AFF2: variants seen among roughly 807,000 people sequenced by gnomAD.
AFF2 encodes the protein ALF transcription elongation factor 2, also known as AF4/FMR2 family member 2.
In AFF2, 14 loss-of-function variants were observed where a neutral mutation model predicts 76.9. The ratio of observed to expected loss-of-function variants is 0.18; its 90% confidence interval spans 0.12 to 0.28. The LOEUF (loss-of-function observed/expected upper bound fraction) is 0.28, where lower values mean the gene tolerates loss of function less well. Ranked by LOEUF, AFF2 falls within the 10% of genes least tolerant of loss-of-function variation. The probability of loss-of-function intolerance (pLI) is 1.00; values close to 1 mark genes in which losing one functional copy is unlikely to be tolerated. For missense variants in AFF2, 868 were observed against 1,001.1 expected, an observed-to-expected ratio of 0.87 and a Z score of 1.79; for synonymous variants, 398 against 366.7, an observed-to-expected ratio of 1.09 and a Z score of -0.98.
chrX:148,991,677 G>C lies in AFF2; in HGVS notation c.*345G>C, dbSNP rs1343051609. ...TGGGAAGCACTTGTGATAAAGACAG[G>C]CTCCTGAGAAATGCAACAAGTGGTC... On this transcript the variant is annotated 3_prime_UTR_variant, in exon 21 of 21. Coordinates refer to ENST00000370460, the MANE Select transcript of AFF2 (RefSeq NM_002025.4). 1.6e-5 allele frequency: 2 copies of C among 128,005 alleles called. No homozygotes were observed. The highest frequency in any genetic ancestry group is 6.4e-5 in the African/African-American group (2 of 31,404). The allele number at this position is 128,005 out of a possible 1,213,427, so 10.5% of individuals were successfully genotyped here.
chrX:148,758,394 G>A (rs2069400698), intron 3 of AFF2, among the ~76,000 whole-genome samples: 1 of 112,581 alleles, frequency 8.9e-6, no homozygotes, highest in Non-Finnish European at 1.9e-5. Context: ...GACATTTCCT[G>A]TAACTTTTTT....
intron 3 of AFF2, among the ~76,000 whole-genome samples, chrX:148,683,136 G>A (rs191665747): frequency 5.4e-5 from 6 of 111,737 alleles, no homozygotes; most frequent in African/African-American, 6.5e-5. Context: ...AGCAGGTTGC[G>A]TCTACCCTCT....
chrX:148,909,666 T>A lies in AFF2; in HGVS notation c.1397+5408T>A, dbSNP rs151288593. 8.0e-3 allele frequency among the ~76,000 whole-genome samples: 895 copies of A among 112,078 alleles called. 3 individuals carry two copies. The highest frequency in any genetic ancestry group is 0.037 in the Middle Eastern group (8 of 216). On this transcript the variant is annotated intron_variant, in intron 9 of 20. Coordinates refer to ENST00000370460, the MANE Select transcript of AFF2 (RefSeq NM_002025.4). ...AAACATTAAATATTACCTCTGAGGGTAAGACTCAAACATGAGTGTTCTTAA... is the reference window on the plus strand; with the variant it reads ...AAACATTAAATATTACCTCTGAGGGAAAGACTCAAACATGAGTGTTCTTAA...
intron 4 of AFF2, among the ~76,000 whole-genome samples, chrX:148,814,886 TGAAAG>T (rs2070246625): frequency 8.9e-6 from 1 of 111,981 alleles, no homozygotes; most frequent in Non-Finnish European, 1.9e-5. Flanking sequence ...CAATTATGTC[TGAAAG>T]GAAATTTGAT....
intron 9 of AFF2, among the ~76,000 whole-genome samples, chrX:148,920,213 G>T (rs1268723419): frequency 9.0e-6 from 1 of 111,377 alleles, no homozygotes; most frequent in Non-Finnish European, 1.9e-5. Flanking sequence ...CTTTTTAGTG[G>T]TATAGATGAC....
rs16994883 is a variant in AFF2, at chrX:148,965,791, C to T, written c.2914-999C>T. Reference sequence around the variant, plus strand: ...CTGTTGAATCTGTGCCAACAACACACAAGATTGACAGATCATATCAAGAAA... The same window carrying T: ...CTGTTGAATCTGTGCCAACAACACATAAGATTGACAGATCATATCAAGAAA... On this transcript the variant is annotated intron_variant, in intron 13 of 20. Transcript: ENST00000370460. Among the ~76,000 whole-genome samples the T allele has an allele frequency of 9.3e-3, 1,043 of 111,816 alleles. 14 individuals carry two copies. Among genetic ancestry groups the T allele is most frequent in the African/African-American group, 0.033 (1,001 of 30,743 alleles).
intron 1 of AFF2, among the ~76,000 whole-genome samples, chrX:148,585,707 G>A (rs1243577006): frequency 9.1e-6 from 1 of 109,769 alleles, no homozygotes; most frequent in Non-Finnish European, 1.9e-5. Context: ...CGGGCGTGGT[G>A]GCAGGCGCCT....
At chrX:148,718,858 A>T (rs963525120) in intron 3 of AFF2, among the ~76,000 whole-genome samples, 1 of 111,544 alleles carries the variant, frequency 9.0e-6, no homozygotes, top group African/African-American at 3.3e-5. Flanking sequence ...ATGGATAAAT[A>T]AACCAACTGT....
Position 148,510,230 on chromosome X carries a change from G to A in AFF2, c.47+9086G>A, listed in dbSNP as rs1312099403. On this transcript the variant is annotated intron_variant, in intron 1 of 20. Transcript: ENST00000370460. ...CTAGTTCTTCAAAATATTAAATCTA[G>A]CTGAGAAGACCTAAAAACGGTATTA... Among the ~76,000 whole-genome samples, 13 of 111,899 alleles carry A rather than the reference G, an allele frequency of 1.2e-4. No individual in the cohort carries two copies. In the Admixed American group the frequency reaches 1.2e-3, roughly 11 times the overall value.
chrX:148,860,561 T>C (rs141299017), intron 7 of AFF2, among the ~76,000 whole-genome samples: 5 of 111,855 alleles, frequency 4.5e-5, no homozygotes, highest in African/African-American at 1.3e-4. Flanking sequence ...TCATTTGAGA[T>C]CTGTGCATCC....
intron 3 of AFF2, among the ~76,000 whole-genome samples, chrX:148,731,255 C>T (rs1557264639): frequency 9.0e-6 from 1 of 111,656 alleles, no homozygotes; most frequent in African/African-American, 3.3e-5. Context: ...AGCACCAGTC[C>T]CAAAGGACCT....
chrX:148,808,113 A>G (rs1212256294), intron 3 of AFF2, among the ~76,000 whole-genome samples: 1 of 112,428 alleles, frequency 8.9e-6, no homozygotes, highest in Non-Finnish European at 1.9e-5. Context: ...GGGATACAAT[A>G]TGGGTTGCAG....
intron 2 of AFF2, among the ~76,000 whole-genome samples, chrX:148,657,237 C>G (rs1245039868): frequency 2.7e-5 from 3 of 111,487 alleles, no homozygotes; most frequent in Non-Finnish European, 5.6e-5. Context: ...CCTGGGAAAC[C>G]TTGCTTTGAA....
intron 14 of AFF2, 40 bp from the exon 15 acceptor site, chrX:148,967,589 G>A (rs202232338): frequency 1.8e-6 from 2 of 1,111,423 alleles, no homozygotes; most frequent in East Asian, 6.0e-5. Context: ...CTGAAAAGAT[G>A]AAGCATTGGT....
At position 148,662,699 on chromosome X, in the gene AFF2, G is replaced by C. The variant is rs1438850857; in HGVS notation, c.972G>C (p.Leu324Phe). 9.1e-6 allele frequency: 11 copies of C among 1,211,889 alleles called. No individual in the cohort carries two copies. The highest frequency in any genetic ancestry group is 1.2e-5 in the Non-Finnish European group (11 of 895,506). Residue 324 changes from leucine to phenylalanine, a missense_variant, in exon 3 of 21, where the codon TTG becomes TTC. Around this residue, in one of 6 missense-constraint regions of AFF2, gnomAD observed 532 missense variants for 564.2 expected, o/e 0.94. Transcript: ENST00000370460. ...GGAATCTGTCATTTGGAACACTCTT[G>C]GATGGAAAACCCAGTGCAGCCAGTT... ...SFGNLSFGTL[L>F]DGKPSAASSK...
chrX:148,609,600 C>T (rs2053706578), intron 1 of AFF2, among the ~76,000 whole-genome samples: 1 of 111,938 alleles, frequency 8.9e-6, no homozygotes, highest in Non-Finnish European at 1.9e-5. Flanking sequence ...CTTTTCTGTA[C>T]TTTGTAATTC....
intron 9 of AFF2, among the ~76,000 whole-genome samples, chrX:148,928,533 T>C (rs1034684178): frequency 8.0e-5 from 9 of 112,717 alleles, no homozygotes; most frequent in Admixed American, 6.5e-4. Flanking sequence ...CAGCAACAAA[T>C]TTGGGAGTCA....
intron 3 of AFF2, among the ~76,000 whole-genome samples, chrX:148,664,469 T>A: frequency 9.0e-6 from 1 of 111,347 alleles, no homozygotes; most frequent in East Asian, 2.8e-4. Context: ...CTCCTTCAGG[T>A]CTGGTCAGTT....
intron 3 of AFF2, chrX:148,719,129 C>A: frequency 8.8e-7 from 1 of 1,132,008 alleles, no homozygotes. Flanking sequence ...GTTGCAGTGG[C>A]CCATCTATCT....
Sources: allele counts gnomAD v4.1 joint callset (sites outside exome capture counted in the v4.1 genomes callset), GRCh38; gene constraint gnomAD v4.1.1; regional missense constraint gnomAD v4.1.1; transcripts MANE v1.5; gene names NCBI Gene and HGNC (gene_info 2026-07-23, HGNC 2026-07-21).